Variants in ACSM5 observed in about 807,000 individuals in gnomAD.
ACSM5 encodes the protein acyl-coenzyme A synthetase ACSM5, mitochondrial.
ACSM5 carries 56 observed loss-of-function variants against 71.6 expected under a neutral mutation model. That is an observed-to-expected ratio of 0.78 (90% CI 0.63 to 0.98). ACSM5 has a LOEUF of 0.98. ACSM5 is among the 50% of genes least tolerant of loss of function. ACSM5 has a pLI of 0.00. For synonymous variants in ACSM5, 285 were observed against 281.5 expected (o/e 1.01, Z -0.12); for missense variants, 723 against 726.0 (o/e 1.00, Z 0.05).
intron 3 of ACSM5, among the ~76,000 whole-genome samples, 172 bp from the exon 4 acceptor site, chr16:20,419,056 A>C (rs953652607): frequency 6.6e-6 from 1 of 152,044 alleles, no homozygotes; most frequent in Non-Finnish European, 1.5e-5. Flanking sequence ...TGAATAAGTG[A>C]TCATGCACTT....
At chr16:20,420,300 TA>T (rs1033124474) in intron 4 of ACSM5, among the ~76,000 whole-genome samples, 4 of 152,120 alleles carry the variant, frequency 2.6e-5, no homozygotes, top group Non-Finnish European at 4.4e-5. Context: ...GGATCTTTTT[TA>T]AAAAAATCAG....
Position 20,440,464 on chromosome 16 carries a change from C to G in ACSM5, c.*37C>G, listed in dbSNP as rs561819388. On this transcript the variant is annotated 3_prime_UTR_variant, in exon 14 of 14. Transcript: ENST00000331849. ...GGAAGGCCCCGTAGACCTCCGAAGA[C>G]TCCACAAGAAACTAATGGATCACTG... 5.1e-6 allele frequency: 8 copies of G among 1,563,728 alleles called. No homozygotes were observed. The highest frequency in any genetic ancestry group is 4.0e-5 in the African/African-American group (3 of 74,304).
intron 6 of ACSM5, among the ~76,000 whole-genome samples, chr16:20,427,584 T>C (rs1967008383): frequency 6.6e-6 from 1 of 152,222 alleles, no homozygotes; most frequent in South Asian, 2.1e-4. Context: ...CAGACCCACT[T>C]TGGTATGAGG....
intron 10 of ACSM5, among the ~76,000 whole-genome samples, chr16:20,434,310 CTA>C (rs1967154006): frequency 2.0e-5 from 3 of 152,070 alleles, no homozygotes; most frequent in African/African-American, 7.2e-5. Flanking sequence ...AGATAGGGGT[CTA>C]TTTTATTTTT....
intron 2 of ACSM5, among the ~76,000 whole-genome samples, chr16:20,413,076 C>T (rs1264453465): frequency 2.0e-5 from 3 of 152,134 alleles, no homozygotes; most frequent in Admixed American, 6.6e-5. Flanking sequence ...GGTAGTCAGA[C>T]CATATGCTAC....
chr16:20,412,988 G>T (rs1473266733), intron 2 of ACSM5, among the ~76,000 whole-genome samples: 2 of 152,182 alleles, frequency 1.3e-5, no homozygotes, highest in Admixed American at 1.3e-4. Context: ...GATAGACATT[G>T]TTCATCCGTG....
At chr16:20,435,884 GC>G (rs1311514896) in intron 10 of ACSM5, among the ~76,000 whole-genome samples, 1 of 151,956 alleles carries the variant, frequency 6.6e-6, no homozygotes, top group Non-Finnish European at 1.5e-5. Flanking sequence ...ACACCAATGA[GC>G]TTTTTGGTGA....
At position 20,431,293 on chromosome 16, in the gene ACSM5, G is replaced by T. The variant is rs765574822; in HGVS notation, c.1280G>T (p.Arg427Leu). The T allele has an allele frequency of 5.0e-6, 8 of 1,614,158 alleles. No individual in the cohort carries two copies. The highest frequency in any genetic ancestry group is 3.3e-4 in the Middle Eastern group (2 of 6,062). The stretch of plus-strand genomic sequence containing the variant: ...GTTGCCGTCCGTATCAGACCCACTC[G>T]GCCCTTCTGTTTCTTCAATTGCTAT... The part of the protein sequence containing the change: ...GNVAVRIRPT[R>L]PFCFFNCYLD... The change falls in exon 10 of 14, where the codon CGG becomes CTG. Residue 427 changes from arginine to leucine, a missense_variant. Physicochemically the swap from Arg to Leu is moderately radical, Grantham distance 102. Transcript: ENST00000331849.
chr16:20,418,150 C>A lies in ACSM5; in HGVS notation c.296C>A (p.Ser99Tyr). 6.2e-7 allele frequency: 1 copy of A among 1,613,574 alleles called. No homozygotes were observed. The highest frequency in any genetic ancestry group is 8.5e-7 in the Non-Finnish European group (1 of 1,179,936). Residue 99 changes from serine to tyrosine, a missense_variant, in exon 3 of 14, where the codon TCC (serine) becomes TAC (tyrosine). Physicochemically the swap from Ser to Tyr is moderately radical, Grantham distance 144 (BLOSUM62 -2). Coordinates refer to ENST00000331849, the MANE Select transcript of ACSM5 (RefSeq NM_017888.3). ...KWSFEELGKQSRKAANVLGGA... is the reference protein window; with the variant it reads ...KWSFEELGKQYRKAANVLGGA... ...AGCTTTGAGGAGCTGGGGAAGCAGT[C>A]CAGGAAGGCAGCCAATGTGCTGGGG...
In ACSM5 at chr16:20,431,224, T is replaced by C; in HGVS notation, c.1211T>C (p.Val404Ala). Reference sequence around the variant, plus strand: ...CTGTGATGATTTCCTTACCAGATTGTGGATGATGAGGGCAACGTCCTGCCT... The same window carrying C: ...CTGTGATGATTTCCTTACCAGATTGCGGATGATGAGGGCAACGTCCTGCCT... ...KASPPYDVQI[V>A]DDEGNVLPPG... Residue 404 changes from valine to alanine, a missense_variant, in exon 10 of 14, where the codon GTG becomes GCG. By Grantham distance (64) the Val-to-Ala change is moderately conservative. Transcript: ENST00000331849. 1 of 1,613,958 alleles carries C rather than the reference T, an allele frequency of 6.2e-7. No individual in the cohort carries two copies. Among genetic ancestry groups the C allele is most frequent in the Non-Finnish European group, 8.5e-7 (1 of 1,179,866 alleles).
rs200349448 is a variant in ACSM5, at chr16:20,418,157, G to C, written c.303G>C (p.Lys101Asn). The C allele has an allele frequency of 6.2e-7, 1 of 1,613,610 alleles. No individual in the cohort carries two copies. The highest frequency in any genetic ancestry group is 1.1e-5 in the South Asian group (1 of 91,054). Residue 101 changes from lysine (K) to asparagine (N), a missense_variant, in exon 3 of 14, where the codon AAG becomes AAC. By Grantham distance (94) the Lys-to-Asn change is moderately conservative. Coordinates refer to ENST00000331849, the MANE Select transcript of ACSM5 (RefSeq NM_017888.3). ...SFEELGKQSRKAANVLGGACG... is the reference protein window; with the variant it reads ...SFEELGKQSRNAANVLGGACG... ...AGGAGCTGGGGAAGCAGTCCAGGAA[G>C]GCAGCCAATGTGCTGGGGGGTGCAT...
chr16:20,414,612 C>T (rs929168512), intron 2 of ACSM5, among the ~76,000 whole-genome samples: 7 of 152,138 alleles, frequency 4.6e-5, no homozygotes, highest in Non-Finnish European at 8.8e-5. Context: ...TAATTTATTA[C>T]AGCAGCAATA....
chr16:20,440,492 C>T lies in ACSM5; in HGVS notation c.*65C>T. The T allele has an allele frequency of 7.0e-7, 1 of 1,422,652 alleles. No individual in the cohort carries two copies. Among genetic ancestry groups the T allele is most frequent in the Non-Finnish European group, 9.9e-7 (1 of 1,006,080 alleles). 88.1% of individuals were successfully genotyped at this position (1,422,652 alleles called of 1,614,324 possible). On this transcript the variant is annotated 3_prime_UTR_variant, in exon 14 of 14. Coordinates refer to ENST00000331849, the MANE Select transcript of ACSM5 (RefSeq NM_017888.3). Reference sequence around the variant, plus strand: ...CACAAGAAACTAATGGATCACTGGTCAGTCCCCATGGGGAGCATCATCTCT... The same window carrying T: ...CACAAGAAACTAATGGATCACTGGTTAGTCCCCATGGGGAGCATCATCTCT...
intron 10 of ACSM5, among the ~76,000 whole-genome samples, chr16:20,433,251 A>T (rs1216042930): frequency 1.3e-5 from 2 of 152,208 alleles, no homozygotes; most frequent in Non-Finnish European, 2.9e-5. Flanking sequence ...TCAGACCAAA[A>T]TTGTTCTGTG....
intron 5 of ACSM5, among the ~76,000 whole-genome samples, chr16:20,423,652 G>T (rs1175731233): frequency 6.6e-6 from 1 of 152,238 alleles, no homozygotes; most frequent in Non-Finnish European, 1.5e-5. Context: ...GAGTATTGAG[G>T]TTAATTTTTT....
chr16:20,440,567 G>A lies in ACSM5; in HGVS notation c.*140G>A, dbSNP rs894095805. On this transcript the variant is annotated 3_prime_UTR_variant, in exon 14 of 14. Coordinates refer to ENST00000331849, the MANE Select transcript of ACSM5 (RefSeq NM_017888.3). ...TGCAGCTTCCAAACGGCATCCCCAG[G>A]ATCACTGGGCAATGCTGGAAAGAGC... 11 of 725,214 alleles carry A rather than the reference G, an allele frequency of 1.5e-5. No individual in the cohort carries two copies. In the East Asian group the frequency reaches 2.1e-4, roughly 14 times the overall value. The allele number at this position is 725,214 out of a possible 1,614,324, so 44.9% of individuals were successfully genotyped here.
chr16:20,437,069 A>G lies in ACSM5; in HGVS notation c.1326A>G (p.Thr442=), dbSNP rs767581348. The change falls in exon 11 of 14, where the codon ACA becomes ACG. Residue 442 remains threonine, a synonymous_variant. Coordinates refer to ENST00000331849, the MANE Select transcript of ACSM5 (RefSeq NM_017888.3). The part of the protein sequence containing the change: ...FNCYLDNPEK[T]AASEQGDFYI... The stretch of plus-strand genomic sequence containing the variant: ...TCTTTCAGGACAATCCTGAGAAGAC[A>G]GCTGCATCAGAACAAGGGGACTTTT... The G allele has an allele frequency of 1.9e-6, 3 of 1,614,188 alleles. No individual in the cohort carries two copies. The South Asian group carries it at 3.3e-5, about 18-fold the overall frequency.
At position 20,419,272 on chromosome 16, in the gene ACSM5, CT is replaced by C. The variant is rs1160131805; in HGVS notation, c.461del (p.Leu154ProfsTer19). The C allele has an allele frequency of 6.2e-7, 1 of 1,614,108 alleles. No individual in the cohort carries two copies. Among genetic ancestry groups the C allele is most frequent in the Non-Finnish European group, 8.5e-7 (1 of 1,180,016 alleles). ...TGTGACTCAGCTGACAGAGAAGGAC[CT>C]CAAGTACCGGCTGCAGGCGTCCAGG... ...PGVTQLTEKD[L>X]KYRLQASRAK... On this transcript the variant is annotated frameshift_variant, in exon 4 of 14. Coordinates refer to ENST00000331849, the MANE Select transcript of ACSM5 (RefSeq NM_017888.3). LOFTEE classifies it high-confidence loss of function.
chr16:20,427,249 G>A (rs1262197214), intron 6 of ACSM5, among the ~76,000 whole-genome samples: 1 of 152,134 alleles, frequency 6.6e-6, no homozygotes, highest in Non-Finnish European at 1.5e-5. Flanking sequence ...GCAGTGAGCT[G>A]AGATCTTGCC....
Sources: gnomAD v4.1 joint callset for allele counts (sites outside exome capture counted in the v4.1 genomes callset) on GRCh38, gnomAD v4.1.1 for gene constraint, MANE v1.5 for transcripts, NCBI Gene and HGNC (gene_info 2026-07-23, HGNC 2026-07-21) for gene names.